PGAP1: variants seen among roughly 807,000 people sequenced by gnomAD.
PGAP1 encodes GPI inositol-deacylase.
Under a neutral mutation model 127.0 loss-of-function variants are expected in PGAP1, and 76 were observed. The ratio of observed to expected loss-of-function variants is 0.60; its 90% CI spans 0.50 to 0.72. The LOEUF is 0.72. PGAP1 is among the 30% of genes least tolerant of loss of function. PGAP1 has a pLI of 0.00. For synonymous variants in PGAP1, 362 were observed against 366.5 expected, an observed-to-expected ratio of 0.99 and a Z score of 0.14; for missense variants, 982 against 1,071.3, an observed-to-expected ratio of 0.92 and a Z score of 1.16.
In PGAP1 at chr2:196,847,081, G is replaced by T. The variant is rs768817708; in HGVS notation, c.2072C>A (p.Thr691Lys). 2 of 1,613,528 alleles carry T rather than the reference G, an allele frequency of 1.2e-6. No individual in the cohort carries two copies. The highest frequency in any genetic ancestry group is 1.1e-5 in the South Asian group (1 of 91,066). The change falls in exon 22 of 27, where the codon ACG (threonine) becomes AAG (lysine). Residue 691 changes from threonine (T) to lysine (K), a missense_variant. Thr to Lys is a moderately conservative substitution (Grantham distance 78). Transcript: ENST00000354764. ...LISLILFLFG[T>K]CTAYWSGLLS... ...TAGGCCACTCCAGTAGGCAGTACACGTTCCAAACAGAAAGAGAATCAAGGA... is the reference window on the plus strand; with the variant it reads ...TAGGCCACTCCAGTAGGCAGTACACTTTCCAAACAGAAAGAGAATCAAGGA...
chr2:196,847,016 G>A lies in PGAP1; in HGVS notation c.2137C>T (p.Leu713=), dbSNP rs764748359. 8 of 1,612,566 alleles carry A rather than the reference G, an allele frequency of 5.0e-6. No individual in the cohort carries two copies. The African/African-American group carries it at 8.0e-5, about 16-fold the overall frequency. The change falls in exon 22 of 27, where the codon CTA becomes TTA. Residue 713 remains leucine, a synonymous_variant. Coordinates refer to ENST00000354764, the MANE Select transcript of PGAP1 (RefSeq NM_024989.4). Reference sequence around the variant, plus strand: ...TTCATTCTTTACCTTTTCAAAGCTAGCCACAATGAAGAAAGAAGTCTCACA... The same window carrying A: ...TTCATTCTTTACCTTTTCAAAGCTAACCACAATGAAGAAAGAAGTCTCACA... The part of the protein sequence containing the change: ...ASVRLLSSLW[L]ALKRPSELPK...
chr2:196,878,441 A>G (rs1048074567), intron 13 of PGAP1, among the ~76,000 whole-genome samples: 4 of 152,170 alleles, frequency 2.6e-5, no homozygotes, highest in African/African-American at 7.2e-5. Context: ...TGGCACTCAA[A>G]AAGTTTTAGA....
intron 3 of PGAP1, 94 bp downstream of exon 3, chr2:196,916,324 A>G: frequency 4.2e-6 from 5 of 1,182,290 alleles, no homozygotes; most frequent in Non-Finnish European, 5.5e-6. Flanking sequence ...CAACTTCCAT[A>G]TAAACAAATA....
chr2:196,921,936 T>G (rs567670993), intron 1 of PGAP1, among the ~76,000 whole-genome samples: 1 of 151,914 alleles, frequency 6.6e-6, no homozygotes, highest in Non-Finnish European at 1.5e-5. Flanking sequence ...TTGACCACAT[T>G]GACAGAAAAA....
intron 25 of PGAP1, 34 bp from the exon 26 acceptor site, chr2:196,842,859 C>A: frequency 2.0e-6 from 2 of 1,002,018 alleles, no homozygotes; most frequent in Admixed American, 2.4e-5. Flanking sequence ...CACAAATCAA[C>A]AATGACCTGA....
At chr2:196,892,553 A>G in intron 8 of PGAP1, 152 bp from the exon 9 acceptor site, 2 of 474,772 alleles carry the variant, frequency 4.2e-6, no homozygotes, top group Non-Finnish European at 7.5e-6. Context: ...ATCTAGTAAT[A>G]TATTTTCTAT....
intron 19 of PGAP1, 38 bp from the exon 20 acceptor site, chr2:196,865,118 T>C (rs765202944): frequency 5.3e-6 from 6 of 1,124,410 alleles, no homozygotes; most frequent in Non-Finnish European, 7.7e-6. Flanking sequence ...CTCCTGAATA[T>C]TCATGTTAAT....
chr2:196,854,307 T>A (rs1249266065), intron 20 of PGAP1, among the ~76,000 whole-genome samples: 1 of 152,178 alleles, frequency 6.6e-6, no homozygotes, highest in Non-Finnish European at 1.5e-5. Flanking sequence ...AGATATTAAA[T>A]GATTAGGCTT....
chr2:196,875,197 C>G (rs1559347384), intron 14 of PGAP1, among the ~76,000 whole-genome samples: 1 of 152,068 alleles, frequency 6.6e-6, no homozygotes, highest in African/African-American at 2.4e-5. Flanking sequence ...CCTGGATAAG[C>G]AGGACATCTG....
Position 196,873,582 on chromosome 2 carries a change from AAT to A in PGAP1, c.1501-5_1501-4del, listed in dbSNP as rs1380252290. ...TTGATTTTAAAAGCTTGGTATATCT[AAT>A]AGAGTTTGACCACAAAAACAAAATA... On this transcript the variant is annotated splice_polypyrimidine_tract_variant and splice_region_variant and intron_variant, in intron 15 of 26. Coordinates refer to ENST00000354764, the MANE Select transcript of PGAP1 (RefSeq NM_024989.4). 1 of 1,610,712 alleles carries A rather than the reference AAT, an allele frequency of 6.2e-7. No individual in the cohort carries two copies. The highest frequency in any genetic ancestry group is 1.1e-5 in the South Asian group (1 of 90,890).
At chr2:196,912,652 A>T (rs1702868663) in intron 4 of PGAP1, among the ~76,000 whole-genome samples, 1 of 151,502 alleles carries the variant, frequency 6.6e-6, no homozygotes, top group South Asian at 2.1e-4. Context: ...ACACATGTCA[A>T]CCATGTTAAG....
rs773377633 is a variant in PGAP1 at position 196,872,568 on chromosome 2, T to C, written c.1620-19A>G. 10 of 1,517,428 alleles carry C rather than the reference T, an allele frequency of 6.6e-6. No homozygotes were observed. The highest frequency in any genetic ancestry group is 1.4e-5 in the African/African-American group (1 of 72,804). The allele number at this position is 1,517,428 out of a possible 1,614,324, so 94.0% of individuals were successfully genotyped here. A position where few individuals can be genotyped will look rare whatever the true frequency, so the allele number is the denominator to read the frequency against. On this transcript the variant is annotated intron_variant, in intron 17 of 26. Coordinates refer to ENST00000354764, the MANE Select transcript of PGAP1 (RefSeq NM_024989.4). ...TGGAGCCCTGAAGAGATAACTTAAA[T>C]ATCAATTCTCAAATACAAAATGCTG...
intron 7 of PGAP1, among the ~76,000 whole-genome samples, chr2:196,896,038 GA>G (rs982673069): frequency 1.3e-5 from 2 of 151,116 alleles, no homozygotes; most frequent in African/African-American, 4.9e-5. Context: ...CCAACTTACA[GA>G]AAAAAAAATT....
At chr2:196,904,173 A>G (rs1203955921) in intron 4 of PGAP1, among the ~76,000 whole-genome samples, 1 of 152,216 alleles carries the variant, frequency 6.6e-6, no homozygotes, top group Admixed American at 6.5e-5. Context: ...TCAAATTAAG[A>G]ATTCTCAGAC....
chr2:196,872,431 T>C lies in PGAP1; in HGVS notation c.1728+10A>G, dbSNP rs1219402912. 1 of 1,557,500 alleles carries C rather than the reference T, an allele frequency of 6.4e-7. No individual in the cohort carries two copies. Among genetic ancestry groups the C allele is most frequent in the Non-Finnish European group, 8.8e-7 (1 of 1,130,354 alleles). On this transcript the variant is annotated intron_variant, in intron 18 of 26. Transcript: ENST00000354764. ...CTAAATCTTAAAAATTAATCAAACA[T>C]ACAACTTACCTCGTACCGACAGTCT... is the stretch of plus-strand genomic sequence containing the variant.
chr2:196,896,828 T>TA (rs566717804), intron 7 of PGAP1, among the ~76,000 whole-genome samples: 11,974 of 90,380 alleles, frequency 0.13, 868 homozygotes, highest in Middle Eastern at 0.19. Flanking sequence ...GACTCCATCT[T>TA]AAAAAAAAAA....
chr2:196,904,445 A>C (rs1451991089), intron 4 of PGAP1, among the ~76,000 whole-genome samples: 3 of 152,182 alleles, frequency 2.0e-5, no homozygotes, highest in Non-Finnish European at 2.9e-5. Context: ...AGACAAGAAA[A>C]GTCTAGAGGC....
intron 2 of PGAP1, among the ~76,000 whole-genome samples, chr2:196,917,294 G>T (rs1263423103): frequency 6.6e-6 from 1 of 152,026 alleles, no homozygotes; most frequent in Non-Finnish European, 1.5e-5. Flanking sequence ...CAAAATACCT[G>T]TTTGCCATTT....
At chr2:196,905,292 T>A (rs1043166515) in intron 4 of PGAP1, among the ~76,000 whole-genome samples, 28 of 152,226 alleles carry the variant, frequency 1.8e-4, no homozygotes, top group African/African-American at 6.5e-4. Context: ...CTATGACTTT[T>A]AGCCTTTAAT....
Sources: allele counts gnomAD v4.1 joint callset (sites outside exome capture counted in the v4.1 genomes callset), GRCh38; gene constraint gnomAD v4.1.1; transcripts MANE v1.5; gene names NCBI Gene and HGNC (gene_info 2026-07-23, HGNC 2026-07-21).